MYH9: variants seen among roughly 807,000 people sequenced by gnomAD.
The protein encoded by MYH9 is myosin heavy chain 9, also known as myosin-9.
A neutral mutation model predicts 241.9 loss-of-function variants in MYH9; 29 were observed. The ratio of observed to expected loss-of-function variants is 0.12; its 90% CI spans 0.09 to 0.16. The LOEUF (loss-of-function observed/expected upper bound fraction) is 0.16, where lower values mean the gene tolerates loss of function less well. MYH9 is among the 10% of genes least tolerant of loss of function. The pLI, the probability that MYH9 is intolerant of heterozygous loss-of-function variation, is 1.00. For missense variants in MYH9, 1,803 were observed against 2,595.5 expected (o/e 0.69, Z 6.63); for synonymous variants, 1,047 against 1,062.6 (o/e 0.99, Z 0.29).
At chr22:36,314,552 T>C (rs1052261456) in intron 12 of MYH9, among the ~76,000 whole-genome samples, 11 of 152,242 alleles carry the variant, frequency 7.2e-5, no homozygotes, top group African/African-American at 2.2e-4. Context: ...CTTTTCAGAA[T>C]AGTGCTTTAA....
chr22:36,364,134 G>A (rs1212153606), intron 1 of MYH9, among the ~76,000 whole-genome samples: 2 of 152,152 alleles, frequency 1.3e-5, no homozygotes, highest in Non-Finnish European at 2.9e-5. Flanking sequence ...AGAAACAGAA[G>A]ATCACTTTTG....
chr22:36,369,243 C>A (rs1603484471), intron 1 of MYH9, among the ~76,000 whole-genome samples: 1 of 152,326 alleles, frequency 6.6e-6, no homozygotes, highest in East Asian at 1.9e-4. Context: ...GCCAGAGAGT[C>A]CACAGAACTA....
At position 36,322,377 on chromosome 22, in the gene MYH9, C is replaced by A; in HGVS notation, c.705+52G>T. On this transcript the variant is annotated intron_variant, in intron 6 of 40. Coordinates refer to ENST00000216181, the MANE Select transcript of MYH9 (RefSeq NM_002473.6). ...CAGGAAAAGGCAGCATGAGCCAAAGCTCCGGGCAAGGCCCTCTGTCCCCAG... is the reference window on the plus strand; with the variant it reads ...CAGGAAAAGGCAGCATGAGCCAAAGATCCGGGCAAGGCCCTCTGTCCCCAG... 9.4e-6 allele frequency: 15 copies of A among 1,591,270 alleles called. No homozygotes were observed. In the South Asian group the frequency reaches 1.7e-4, roughly 18 times the overall value.
At chr22:36,318,182 G>A in intron 11 of MYH9, 25 bp downstream of exon 11, 2 of 1,602,206 alleles carry the variant, frequency 1.2e-6, no homozygotes, top group Non-Finnish European at 1.7e-6. Flanking sequence ...GAGGCAGCCA[G>A]CTGCCCTGGC....
At position 36,343,141 on chromosome 22, in the gene MYH9, T is replaced by G. The variant is rs200834159; in HGVS notation, c.334-1615A>C. Among the ~76,000 whole-genome samples the G allele has an allele frequency of 1.7e-4, 26 of 152,172 alleles. No homozygotes were observed. The East Asian group carries it at 4.6e-3, about 27-fold the overall frequency. ...GAACCAGTCATGAAGAGAAGGCTCTTCTCAGGCACTGGCCAAAGGCTATGG... is the reference window on the plus strand; with the variant it reads ...GAACCAGTCATGAAGAGAAGGCTCTGCTCAGGCACTGGCCAAAGGCTATGG... On this transcript the variant is annotated intron_variant, in intron 2 of 40. Coordinates refer to ENST00000216181, the MANE Select transcript of MYH9 (RefSeq NM_002473.6).
chr22:36,321,326 A>G (rs938091235), intron 7 of MYH9, among the ~76,000 whole-genome samples: 4 of 152,252 alleles, frequency 2.6e-5, no homozygotes, highest in Non-Finnish European at 5.9e-5. Context: ...GGCAAAACAC[A>G]GCAAAAGCAA....
intron 1 of MYH9, among the ~76,000 whole-genome samples, chr22:36,352,875 G>A (rs1171174274): frequency 6.6e-6 from 1 of 152,202 alleles, no homozygotes; most frequent in African/African-American, 2.4e-5. Context: ...CCAAGGACAG[G>A]GCTATTTGGT....
intron 10 of MYH9, among the ~76,000 whole-genome samples, chr22:36,318,788 C>T (rs964351556): frequency 1.3e-5 from 2 of 151,442 alleles, no homozygotes; most frequent in African/African-American, 4.9e-5. Context: ...TTTGAGACGG[C>T]GTCTTGCTCT....
chr22:36,332,692 C>CTCAAGGTAT (rs2017443738), intron 3 of MYH9, among the ~76,000 whole-genome samples: 1 of 110,674 alleles, frequency 9.0e-6, no homozygotes, highest in African/African-American at 4.6e-5. Flanking sequence ...AAAAAAAAAC[C>CTCAAGGTAT]TCAAGGTATT....
At chr22:36,289,036 A>G (rs938551534) in intron 32 of MYH9, 49 bp downstream of exon 32, 17 of 1,612,612 alleles carry the variant, frequency 1.1e-5, no homozygotes, top group Non-Finnish European at 1.4e-5. Flanking sequence ...CTCTGTGATG[A>G]CCCCACTCGG....
rs1235420741 is a variant in MYH9, at chr22:36,288,082, C to T, written c.4932+170G>A. Among the ~76,000 whole-genome samples the T allele has an allele frequency of 2.0e-5, 3 of 152,234 alleles. No individual in the cohort carries two copies. Among genetic ancestry groups the T allele is most frequent in the Non-Finnish European group, 4.4e-5 (3 of 68,040 alleles). ...TGTTGGACTATCATGTTTCCACTCA[C>T]CTCTGAGCCTCTGAGTCTCTGTCAG... is the stretch of plus-strand genomic sequence containing the variant. On this transcript the variant is annotated intron_variant, in intron 34 of 40. Coordinates refer to ENST00000216181, the MANE Select transcript of MYH9 (RefSeq NM_002473.6). The surrounding 1 kb of genome is among the most constrained non-coding windows in gnomAD (Gnocchi z 4.8).
Position 36,288,436 on chromosome 22 carries a change from C to G in MYH9, c.4771-23G>C. Reference sequence around the variant, plus strand: ...CACCTGGGGGAAGGAACATCAACAACTTGGGAAGCTGGACCCACTGGGAGA... The same window carrying G: ...CACCTGGGGGAAGGAACATCAACAAGTTGGGAAGCTGGACCCACTGGGAGA... On this transcript the variant is annotated intron_variant, in intron 33 of 40. Coordinates refer to ENST00000216181, the MANE Select transcript of MYH9 (RefSeq NM_002473.6). The surrounding 1 kb of genome is among the most constrained non-coding windows in gnomAD (Gnocchi z 4.8). The G allele has an allele frequency of 1.2e-6, 2 of 1,605,156 alleles. No individual in the cohort carries two copies. Among genetic ancestry groups the G allele is most frequent in the Non-Finnish European group, 1.7e-6 (2 of 1,179,912 alleles).
chr22:36,320,682 C>A lies in MYH9; in HGVS notation c.868+116G>T. 1 of 858,498 alleles carries A rather than the reference C, an allele frequency of 1.2e-6. No homozygotes were observed. Among genetic ancestry groups the A allele is most frequent in the Non-Finnish European group, 1.9e-6 (1 of 525,982 alleles). The allele number at this position is 858,498 out of a possible 1,614,324, so 53.2% of individuals were successfully genotyped here. On this transcript the variant is annotated intron_variant, in intron 8 of 40. Coordinates refer to ENST00000216181, the MANE Select transcript of MYH9 (RefSeq NM_002473.6). This position sits in a 1 kb window ranked among gnomAD's most constrained non-coding sequence, Gnocchi z 4.8. The stretch of plus-strand genomic sequence containing the variant: ...GAGAACAGGAGTCACTCTCACTTCT[C>A]CCCGTTAAACCCAAGGCCAAAAGTT...
intron 2 of MYH9, among the ~76,000 whole-genome samples, chr22:36,347,645 G>T (rs139299627): frequency 0.011 from 1,684 of 152,046 alleles, 82 homozygotes; most frequent in Admixed American, 0.08. Flanking sequence ...TAAGGTGGGA[G>T]GATCGCTTGA....
Position 36,288,511 on chromosome 22 carries a change from C to T in MYH9, c.4771-98G>A. On this transcript the variant is annotated intron_variant, in intron 33 of 40. Coordinates refer to ENST00000216181, the MANE Select transcript of MYH9 (RefSeq NM_002473.6). The surrounding 1 kb of genome is among the most constrained non-coding windows in gnomAD (Gnocchi z 4.8). Reference sequence around the variant, plus strand: ...AGCCTCAGGCCAGTTCTGCAGGATCCATGGGGCCTCGGGAAACCAGTGGGG... The same window carrying T: ...AGCCTCAGGCCAGTTCTGCAGGATCTATGGGGCCTCGGGAAACCAGTGGGG... The T allele has an allele frequency of 6.6e-7, 1 of 1,520,238 alleles. No homozygotes were observed. The highest frequency in any genetic ancestry group is 9.0e-7 in the Non-Finnish European group (1 of 1,110,084). 94.2% of individuals were successfully genotyped at this position (1,520,238 alleles called of 1,614,324 possible).
intron 19 of MYH9, 77 bp from the exon 20 acceptor site, chr22:36,302,753 G>A: frequency 7.8e-7 from 1 of 1,288,626 alleles, no homozygotes; most frequent in South Asian, 1.2e-5. Context: ...TTGTCCTCAA[G>A]CTTTTCTGGG....
In MYH9 at chr22:36,295,030, C is replaced by T. The variant is rs1351881642; in HGVS notation, c.3532G>A (p.Glu1178Lys). ...EVNILKKTLE[E>K]EAKTHEAQIQ... ...TGGGCCTCGTGGGTCTTGGCCTCCT[C>T]CTCCAGGGTCTTCTTCAGGATGTTC... is the stretch of plus-strand genomic sequence containing the variant. Residue 1178 changes from glutamate to lysine, a missense_variant, in exon 27 of 41, where the codon GAG (glutamate) becomes AAG (lysine). Glu to Lys is a moderately conservative substitution (Grantham distance 56). Coordinates refer to ENST00000216181, the MANE Select transcript of MYH9 (RefSeq NM_002473.6). The surrounding 1 kb of genome is among the most constrained non-coding windows in gnomAD (Gnocchi z 4.1). The T allele has an allele frequency of 6.2e-7, 1 of 1,614,218 alleles. No homozygotes were observed. The highest frequency in any genetic ancestry group is 1.7e-5 in the Admixed American group (1 of 60,024).
Position 36,341,350 on chromosome 22 carries a change from G to A in MYH9, c.490+20C>T. ...CAGGTGAAGATTCAGCCCCAGGTGG[G>A]CACACACTACGTCACCCACCTTGCA... On this transcript the variant is annotated intron_variant, in intron 3 of 40. Coordinates refer to ENST00000216181, the MANE Select transcript of MYH9 (RefSeq NM_002473.6). 1 of 1,612,770 alleles carries A rather than the reference G, an allele frequency of 6.2e-7. No individual in the cohort carries two copies. Among genetic ancestry groups the A allele is most frequent in the Non-Finnish European group, 8.5e-7 (1 of 1,179,514 alleles).
chr22:36,313,836 G>A (rs2017106879), intron 13 of MYH9, among the ~76,000 whole-genome samples: 1 of 152,190 alleles, frequency 6.6e-6, no homozygotes, highest in East Asian at 1.9e-4. Flanking sequence ...CCAGCCTTCA[G>A]GAGGATGCTG....
Sources: allele counts gnomAD v4.1 joint callset (sites outside exome capture counted in the v4.1 genomes callset), GRCh38; gene constraint gnomAD v4.1.1; non-coding constraint Gnocchi (gnomAD v3.1); transcripts MANE v1.5; gene names NCBI Gene and HGNC (gene_info 2026-07-23, HGNC 2026-07-21).